The following RBFOX1 variants were observed in gnomAD, a reference collection of about 807,000 sequenced individuals.
The protein encoded by RBFOX1 is RNA binding protein fox-1 homolog 1.
Under a neutral mutation model 57.7 loss-of-function variants are expected in RBFOX1, and 8 were observed. The ratio of observed to expected loss-of-function variants is 0.14; its 90% CI spans 0.08 to 0.25. The LOEUF (loss-of-function observed/expected upper bound fraction) is 0.25, where lower values mean the gene tolerates loss of function less well. Among genes scored for constraint, RBFOX1 ranks in the 10% least tolerant of loss-of-function variants. The pLI, the probability that RBFOX1 is intolerant of heterozygous loss-of-function variation, is 1.00. For missense variants in RBFOX1, 611 were observed against 548.5 expected (o/e 1.11, Z -1.14); for synonymous variants, 326 against 222.4 (o/e 1.47, Z -4.15).
At chr16:6,630,726 T>G (rs2098374511) in intron 2 of RBFOX1, among the ~76,000 whole-genome samples, 1 of 152,154 alleles carries the variant, frequency 6.6e-6, no homozygotes. Context: ...ATTCCTAAAA[T>G]TTAAGCTGGA....
chr16:7,084,879 C>G (rs755909059), intron 4 of RBFOX1, among the ~76,000 whole-genome samples: 34 of 152,062 alleles, frequency 2.2e-4, no homozygotes, highest in South Asian at 1.0e-3. Flanking sequence ...ATCCATCTAT[C>G]TATCTTCTAT....
chr16:7,220,508 A>G (rs557864087), intron 4 of RBFOX1, among the ~76,000 whole-genome samples: 47 of 152,330 alleles, frequency 3.1e-4, no homozygotes, highest in African/African-American at 1.1e-3. Flanking sequence ...AGATTTGATT[A>G]TGTGTGATTT....
chr16:7,653,816 G>C lies in RBFOX1; in HGVS notation c.759G>C (p.Met253Ile), dbSNP rs1366665514. 3 of 1,608,224 alleles carry C rather than the reference G, an allele frequency of 1.9e-6. No individual in the cohort carries two copies. The East Asian group carries it at 6.7e-5, about 36-fold the overall frequency. ...TCTCTCTCTCCTCTTGCCCCGCAGT[G>C]CCAGGCTTCCCGTATCCAGCAGCCA... ...APSSLVYTSA[M>I]PGFPYPAATA... Residue 253 changes from methionine to isoleucine, a missense_variant and splice_region_variant, in exon 12 of 16, where the codon ATG becomes ATC. By Grantham distance (10) the Met-to-Ile change is conservative. Coordinates refer to ENST00000550418, the MANE Select transcript of RBFOX1 (RefSeq NM_018723.4).
At chr16:5,511,390 T>A (rs186346055) in intron 2 of RBFOX1, among the ~76,000 whole-genome samples, 1 of 152,202 alleles carries the variant, frequency 6.6e-6, no homozygotes, top group African/African-American at 2.4e-5. Flanking sequence ...GTGCCTTTAT[T>A]TTTCCTTGCC....
At chr16:6,305,417 T>C (rs180852925) in intron 1 of RBFOX1, among the ~76,000 whole-genome samples, 62 of 152,282 alleles carry the variant, frequency 4.1e-4, no homozygotes, top group Non-Finnish European at 7.2e-4. Flanking sequence ...TCCTCCTCCT[T>C]CTTTTTCCTG....
At chr16:6,168,448 G>A (rs1390353679) in intron 1 of RBFOX1, among the ~76,000 whole-genome samples, 2 of 152,094 alleles carry the variant, frequency 1.3e-5, no homozygotes, top group African/African-American at 4.8e-5. Context: ...AAAGATGTTG[G>A]TTATATGCAG....
chr16:5,604,021 T>G (rs1187814559), downstream of RBFOX1, among the ~76,000 whole-genome samples: 1 of 150,830 alleles, frequency 6.6e-6, no homozygotes, highest in African/African-American at 2.4e-5. Context: ...AATGGTGCCA[T>G]TCCCCCCTTC....
intron 3 of RBFOX1, among the ~76,000 whole-genome samples, chr16:5,856,884 C>T (rs1461560865): frequency 6.6e-6 from 1 of 151,970 alleles, no homozygotes; most frequent in African/African-American, 2.4e-5. Context: ...ATCAGCAAGG[C>T]TGTTTCACTT....
intron 3 of RBFOX1, among the ~76,000 whole-genome samples, chr16:6,936,761 A>G (rs1279022960): frequency 6.6e-6 from 1 of 152,132 alleles, no homozygotes; most frequent in Non-Finnish European, 1.5e-5. Context: ...CTGTATTGGT[A>G]ATTCAAAGCA....
intron 2 of RBFOX1, among the ~76,000 whole-genome samples, chr16:5,526,935 T>A (rs1445781679): frequency 7.2e-5 from 11 of 152,202 alleles, no homozygotes; most frequent in Non-Finnish European, 1.3e-4. Context: ...TGGTTTCCTC[T>A]TATGCAAAAT....
intron 3 of RBFOX1, among the ~76,000 whole-genome samples, chr16:6,960,039 C>A (rs1247215441): frequency 6.6e-6 from 1 of 152,076 alleles, no homozygotes. Context: ...CTTTCCTAGG[C>A]CTTGAAACAT....
intron 1 of RBFOX1, among the ~76,000 whole-genome samples, chr16:5,285,144 C>T (rs1019703680): frequency 2.6e-5 from 4 of 152,158 alleles, no homozygotes; most frequent in Non-Finnish European, 4.4e-5. Flanking sequence ...AGCCTTGCTT[C>T]ACTCTTTTTT....
chr16:5,316,683 C>G (rs1355387945), intron 1 of RBFOX1, among the ~76,000 whole-genome samples: 2 of 152,194 alleles, frequency 1.3e-5, no homozygotes, highest in Non-Finnish European at 2.9e-5. Flanking sequence ...ACCCAGATAG[C>G]TGGTGAAGCA....
chr16:7,406,556 T>C (rs1004936158), intron 4 of RBFOX1, among the ~76,000 whole-genome samples: 63 of 152,304 alleles, frequency 4.1e-4, no homozygotes, highest in African/African-American at 1.4e-3. Flanking sequence ...CAAAAACATT[T>C]AGAAGGAAAA....
intron 1 of RBFOX1, among the ~76,000 whole-genome samples, chr16:6,021,241 G>T (rs1419326379): frequency 6.6e-6 from 1 of 152,160 alleles, no homozygotes; most frequent in Non-Finnish European, 1.5e-5. Flanking sequence ...TGTGCAGAGA[G>T]GCCTGGCCTT....
intron 2 of RBFOX1, among the ~76,000 whole-genome samples, chr16:5,478,027 G>C (rs2069392915): frequency 6.6e-6 from 1 of 151,970 alleles, no homozygotes; most frequent in Non-Finnish European, 1.5e-5. Context: ...CAGCTCAGTA[G>C]GGAGGGATCA....
chr16:7,129,698 AG>A (rs2069667850), intron 4 of RBFOX1, among the ~76,000 whole-genome samples: 1 of 152,096 alleles, frequency 6.6e-6, no homozygotes, highest in South Asian at 2.1e-4. Context: ...GCAAATTTCA[AG>A]TGCCTGGGAG....
chr16:6,693,719 TCAC>T (rs2154135282), intron 3 of RBFOX1, among the ~76,000 whole-genome samples: 1 of 151,030 alleles, frequency 6.6e-6, no homozygotes, highest in East Asian at 2.0e-4. Context: ...TCCACTACCA[TCAC>T]CACCATCATC....
intron 3 of RBFOX1, among the ~76,000 whole-genome samples, chr16:6,717,449 C>T (rs1603456780): frequency 6.6e-6 from 1 of 152,168 alleles, no homozygotes; most frequent in Admixed American, 6.5e-5. Context: ...ATCTGCATGA[C>T]ACGTTTTGGC....
Sources: gnomAD v4.1 joint callset for allele counts (sites outside exome capture counted in the v4.1 genomes callset) on GRCh38, gnomAD v4.1.1 for gene constraint, MANE v1.5 for transcripts, NCBI Gene and HGNC (gene_info 2026-07-23, HGNC 2026-07-21) for gene names.